Variants in UNC93A observed in about 807,000 individuals in gnomAD.
The protein encoded by UNC93A is unc-93 homolog A.
In UNC93A, 43 loss-of-function variants were observed where a neutral mutation model predicts 47.5. That is an observed-to-expected ratio of 0.91 (90% confidence interval 0.71 to 1.17). The LOEUF is 1.17. Ranked by LOEUF, UNC93A falls within the 50% of genes most tolerant of loss-of-function variation. The pLI is 0.00. For missense variants in UNC93A, 605 were observed against 577.6 expected (o/e 1.05, Z -0.49); for synonymous variants, 280 against 258.0 (o/e 1.09, Z -0.82).
Position 167,303,962 on chromosome 6 carries a change from A to T in UNC93A, c.669A>T (p.Gln223His), listed in dbSNP as rs1479420584. 1 of 1,613,410 alleles carries T rather than the reference A, an allele frequency of 6.2e-7. No individual in the cohort carries two copies. The highest frequency in any genetic ancestry group is 1.7e-5 in the Admixed American group (1 of 59,902). ...TCCTGATGATAGCTGCGTTCCTCCA[A>T]CCCATACGAGATGTTCAGCGGGAAA... ...LAVLMIAAFL[Q>H]PIRDVQRESE... Residue 223 changes from glutamine (Q) to histidine (H), a missense_variant, in exon 5 of 8, where the codon CAA (glutamine) becomes CAT (histidine). Gln to His is a conservative substitution (Grantham distance 24, BLOSUM62 0). Transcript: ENST00000230256.
chr6:167,275,195 G>A (rs1159861383), intron 1 of UNC93A, among the ~76,000 whole-genome samples: 3 of 152,138 alleles, frequency 2.0e-5, no homozygotes, highest in Non-Finnish European at 4.4e-5. Context: ...GGTTGCCTGC[G>A]AAACTCTGCA....
intron 3 of UNC93A, among the ~76,000 whole-genome samples, chr6:167,297,674 C>G (rs1456373641): frequency 6.6e-6 from 1 of 152,124 alleles, no homozygotes; most frequent in African/African-American, 2.4e-5. Context: ...AAACAAGTAA[C>G]CAGCACTTTT....
chr6:167,291,716 A>G (rs146229966), intron 1 of UNC93A, 140 bp downstream of exon 1: 9,696 of 767,316 alleles, frequency 0.013, 109 homozygotes, highest in Middle Eastern at 0.029. Flanking sequence ...ATCCTCTAAA[A>G]CAAACAGTGG....
At chr6:167,310,487 G>A (rs1461177029) in intron 7 of UNC93A, among the ~76,000 whole-genome samples, 16 of 152,404 alleles carry the variant, frequency 1.0e-4, no homozygotes, top group African/African-American at 3.4e-4. Flanking sequence ...GTCCAAGTCC[G>A]GTGAATGACT....
upstream of UNC93A, among the ~76,000 whole-genome samples, chr6:167,290,185 C>T (rs1380117587): frequency 5.3e-5 from 8 of 152,188 alleles, no homozygotes; most frequent in Admixed American, 5.2e-4. Flanking sequence ...CATCTGTTTC[C>T]ATGCTCAGAA....
chr6:167,299,546 A>C (rs1262266384), intron 4 of UNC93A, among the ~76,000 whole-genome samples: 2 of 152,202 alleles, frequency 1.3e-5, no homozygotes, highest in Non-Finnish European at 2.9e-5. Context: ...GATGACTAGA[A>C]GCTCGCCTTT....
chr6:167,280,452 C>T (rs1452404687), intron 1 of UNC93A, among the ~76,000 whole-genome samples: 1 of 152,194 alleles, frequency 6.6e-6, no homozygotes, highest in Admixed American at 6.5e-5. Context: ...CCTTCACTTC[C>T]GTATCCTTGA....
chr6:167,307,903 A>C lies in UNC93A; in HGVS notation c.1101A>C (p.Gln367His). 6.2e-7 allele frequency: 1 copy of C among 1,613,512 alleles called. No homozygotes were observed. Among genetic ancestry groups the C allele is most frequent in the South Asian group, 1.1e-5 (1 of 91,064 alleles). Residue 367 changes from glutamine (Q) to histidine (H), a missense_variant, in exon 7 of 8, where the codon CAA becomes CAC. Transcript: ENST00000230256. ...TGGCAGATGCCGTCTGGCAGACACAAAACAATGGTGAGTCCCCAGCCCAGG... is the reference window on the plus strand; with the variant it reads ...TGGCAGATGCCGTCTGGCAGACACACAACAATGGTGAGTCCCCAGCCCAGG... ...WGVADAVWQT[Q>H]NNALYGVLFE...
upstream of UNC93A, among the ~76,000 whole-genome samples, chr6:167,289,467 C>A (rs980714315): frequency 6.6e-6 from 1 of 152,062 alleles, no homozygotes; most frequent in Non-Finnish European, 1.5e-5. Flanking sequence ...AAAAAGCAGA[C>A]GTAACTGAAG....
upstream of UNC93A, among the ~76,000 whole-genome samples, chr6:167,269,525 T>C (rs1035065660): frequency 6.6e-6 from 1 of 152,100 alleles, no homozygotes; most frequent in African/African-American, 2.4e-5. Flanking sequence ...AGGAACCCAA[T>C]GAAAAGAAGG....
At chr6:167,270,403 A>G (rs893742375), upstream of UNC93A, among the ~76,000 whole-genome samples, 3 of 152,100 alleles carry the variant, frequency 2.0e-5, no homozygotes, top group East Asian at 3.9e-4. Context: ...TGGGGTGCCC[A>G]GAGGTGAACA....
At chr6:167,308,042 G>T in intron 7 of UNC93A, 132 bp downstream of exon 7, 1 of 1,281,564 alleles carries the variant, frequency 7.8e-7, no homozygotes, top group Non-Finnish European at 1.0e-6. Flanking sequence ...GGAGGGCCAA[G>T]AGGGCTTTGA....
At chr6:167,280,134 T>C (rs1412964866) in intron 1 of UNC93A, among the ~76,000 whole-genome samples, 1 of 152,176 alleles carries the variant, frequency 6.6e-6, no homozygotes, top group Admixed American at 6.5e-5. Flanking sequence ...CCCAATCTCA[T>C]GTTTCAAGGT....
chr6:167,287,325 G>A (rs1487703845), upstream of UNC93A, among the ~76,000 whole-genome samples: 1 of 152,188 alleles, frequency 6.6e-6, no homozygotes, highest in Non-Finnish European at 1.5e-5. Context: ...TCCAAAGCTG[G>A]ACACTGCTCT....
At chr6:167,295,637 G>C (rs35444035) in intron 2 of UNC93A, among the ~76,000 whole-genome samples, 408 of 21,284 alleles carry the variant, frequency 0.019, 3 homozygotes, top group Non-Finnish European at 0.028. Context: ...CTCCTCGCCT[G>C]CCTCGTGCTC....
intron 5 of UNC93A, among the ~76,000 whole-genome samples, chr6:167,304,538 A>G (rs902649442): frequency 1.3e-5 from 2 of 150,370 alleles, no homozygotes; most frequent in Non-Finnish European, 2.9e-5. Flanking sequence ...AATACCACCA[A>G]AATTTCTTAT....
chr6:167,303,863 A>C, intron 4 of UNC93A, 56 bp from the exon 5 acceptor site: 1 of 1,578,204 alleles, frequency 6.3e-7, no homozygotes, highest in Non-Finnish European at 8.7e-7. Flanking sequence ...AATCCTTGCC[A>C]GGCACCCTGC....
chr6:167,276,337 C>T (rs1028306542), intron 1 of UNC93A, among the ~76,000 whole-genome samples: 1 of 152,120 alleles, frequency 6.6e-6, no homozygotes, highest in Non-Finnish European at 1.5e-5. Context: ...CTTTGATATA[C>T]TGACTTCCTT....
At chr6:167,300,089 A>G (rs1778199977) in intron 4 of UNC93A, among the ~76,000 whole-genome samples, 1 of 152,140 alleles carries the variant, frequency 6.6e-6, no homozygotes, top group African/African-American at 2.4e-5. Flanking sequence ...TGGGGTTGAC[A>G]GGAAGATGAG....
Sources: gnomAD v4.1 joint callset for allele counts (sites outside exome capture counted in the v4.1 genomes callset) on GRCh38, gnomAD v4.1.1 for gene constraint, MANE v1.5 for transcripts, NCBI Gene and HGNC (gene_info 2026-07-23, HGNC 2026-07-21) for gene names.